Variants in DNAH17 observed in about 807,000 individuals in gnomAD.
DNAH17 encodes dynein axonemal heavy chain 17, also known as axonemal beta dynein heavy chain 17.
Under a neutral mutation model 485.6 loss-of-function variants are expected in DNAH17, and 376 were observed. The observed-to-expected ratio is 0.77, with a 90% CI of 0.71 to 0.84. DNAH17 has a LOEUF of 0.84. DNAH17 is among the 40% of genes least tolerant of loss of function. DNAH17 has a pLI of 0.00. For missense variants in DNAH17, 6,370 were observed against 5,839.3 expected, an observed-to-expected ratio of 1.09 and a Z score of -2.96; for synonymous variants, 3,031 against 2,405.9, an observed-to-expected ratio of 1.26 and a Z score of -7.60.
chr17:78,515,150 C>G (rs1448915692), intron 25 of DNAH17, 128 bp from the exon 26 acceptor site: 16 of 1,086,108 alleles, frequency 1.5e-5, no homozygotes, highest in Non-Finnish European at 2.1e-5. Flanking sequence ...AACTAATACC[C>G]GAGATCAGTA....
intron 17 of DNAH17, 21 bp from the exon 18 acceptor site, chr17:78,539,901 T>C (rs1598673534): frequency 1.9e-6 from 3 of 1,548,236 alleles, no homozygotes; most frequent in South Asian, 1.2e-5. Flanking sequence ...AAGCGCACAG[T>C]TGGGCCTCAC....
In DNAH17 at chr17:78,537,425, G is replaced by A. The variant is rs374363642; in HGVS notation, c.2733C>T (p.Thr911=). Residue 911 remains threonine, a synonymous_variant, in exon 19 of 81, where the codon ACC becomes ACT. Coordinates refer to ENST00000389840, the MANE Select transcript of DNAH17 (RefSeq NM_173628.4). ...IRMELDEDGL[T]FNPTLEVGSD... ...AGCCCACCTCCAGGGTCGGGTTGAAGGTCAGCCCATCCTCGTCCAGCTCCA... is the reference window on the plus strand; with the variant it reads ...AGCCCACCTCCAGGGTCGGGTTGAAAGTCAGCCCATCCTCGTCCAGCTCCA... The A allele has an allele frequency of 3.3e-4, 538 of 1,613,418 alleles. 1 individual carries two copies. In the African/African-American group the frequency reaches 6.6e-3, roughly 20 times the overall value.
At chr17:78,429,553 T>C (rs2086602185) in intron 75 of DNAH17, among the ~76,000 whole-genome samples, 1 of 152,116 alleles carries the variant, frequency 6.6e-6, no homozygotes, top group South Asian at 2.1e-4. Context: ...GTGTGGCACC[T>C]CCCTCCACCT....
rs1489560904 is a variant in DNAH17 at position 78,570,953 on chromosome 17, T to G, written c.913A>C (p.Thr305Pro). ...GCTCTCCCTTGCCTGCGCACCATCG[T>G]GAAGTCGGCTTGTTCCATCTCCTCC... ...LLEEMEQADFTMLPTFIAKVL... is the reference protein window; with the variant it reads ...LLEEMEQADFPMLPTFIAKVL... Residue 305 changes from threonine to proline, a missense_variant, in exon 6 of 81, where the codon ACG (threonine) becomes CCG (proline). Transcript: ENST00000389840. The G allele has an allele frequency of 6.3e-7, 1 of 1,586,452 alleles. No individual in the cohort carries two copies. The highest frequency in any genetic ancestry group is 8.6e-7 in the Non-Finnish European group (1 of 1,166,556).
intron 26 of DNAH17, among the ~76,000 whole-genome samples, chr17:78,511,148 G>C (rs538108769): frequency 6.6e-6 from 1 of 152,316 alleles, no homozygotes; most frequent in South Asian, 2.1e-4. Context: ...ACAGAGTCTC[G>C]CTTTGTCACC....
Position 78,484,322 on chromosome 17 carries a change from G to A in DNAH17, c.7649+546C>T, listed in dbSNP as rs571140652. ...GCCTTCCTGGGCTTCTTCACGTGTG[G>A]CAGGGCATTTACACGTGGCAATCTC... On this transcript the variant is annotated intron_variant, in intron 48 of 80. Coordinates refer to ENST00000389840, the MANE Select transcript of DNAH17 (RefSeq NM_173628.4). Among the ~76,000 whole-genome samples the A allele has an allele frequency of 2.0e-5, 3 of 151,956 alleles. No individual in the cohort carries two copies. The East Asian group carries it at 5.9e-4, about 30-fold the overall frequency.
rs371805890 is a variant in DNAH17 at position 78,444,815 on chromosome 17, G to A, written c.11335-18C>T. On this transcript the variant is annotated intron_variant, in intron 70 of 80. Transcript: ENST00000389840. ...GAGAGGGCCTAGGGGCAGAGGCAGC[G>A]GGCCCTGTGACTCTTCCCACTTACC... is the stretch of plus-strand genomic sequence containing the variant. 3.9e-5 allele frequency: 61 copies of A among 1,545,702 alleles called. No homozygotes were observed. In the African/African-American group the frequency reaches 5.5e-4, roughly 14 times the overall value.
At position 78,561,820 on chromosome 17, in the gene DNAH17, AG is replaced by A. The variant is rs1568258951; in HGVS notation, c.1729del (p.Leu577Ter). On this transcript the variant is annotated frameshift_variant, in exon 12 of 81. Coordinates refer to ENST00000389840, the MANE Select transcript of DNAH17 (RefSeq NM_173628.4). LOFTEE classifies it high-confidence loss of function. ...MAASEEGNIP[L>X]IHKNMPPVAG... Reference sequence around the variant, plus strand: ...CACGGGAGGCATGTTTTTGTGGATCAGGGGGATGTTCCCCTCCTCGGAGGCC... The same window carrying A: ...CACGGGAGGCATGTTTTTGTGGATCAGGGGATGTTCCCCTCCTCGGAGGCC... 1 of 1,613,850 alleles carries A rather than the reference AG, an allele frequency of 6.2e-7. No individual in the cohort carries two copies. The highest frequency in any genetic ancestry group is 8.5e-7 in the Non-Finnish European group (1 of 1,179,838).
chr17:78,508,456 G>A (rs1048763098), intron 27 of DNAH17, among the ~76,000 whole-genome samples: 9 of 152,192 alleles, frequency 5.9e-5, no homozygotes, highest in South Asian at 2.1e-4. Flanking sequence ...CTCTAACTGT[G>A]TTTTGGAGTC....
intron 64 of DNAH17, 97 bp downstream of exon 64, chr17:78,454,373 T>C (rs766364552): frequency 1.9e-5 from 18 of 926,348 alleles, no homozygotes; most frequent in African/African-American, 6.7e-5. Context: ...AGTACTTGTA[T>C]TGAAAGACCC....
At chr17:78,535,499 C>T (rs577289317) in intron 19 of DNAH17, among the ~76,000 whole-genome samples, 43 of 152,316 alleles carry the variant, frequency 2.8e-4, no homozygotes, top group Admixed American at 1.1e-3. Context: ...CATGCAAATA[C>T]GCACACGGGC....
At chr17:78,459,259 A>C (rs1485775656) in intron 60 of DNAH17, 51 bp from the exon 61 acceptor site, 1 of 1,551,872 alleles carries the variant, frequency 6.4e-7, no homozygotes, top group African/African-American at 1.4e-5. Context: ...TGCTCTGGCA[A>C]AACGGGCCCA....
intron 37 of DNAH17, 69 bp from the exon 38 acceptor site, chr17:78,496,101 A>T: frequency 6.6e-7 from 1 of 1,514,056 alleles, no homozygotes; most frequent in South Asian, 1.3e-5. Context: ...AGAGGCCTTC[A>T]CATATGTTAA....
chr17:78,472,706 C>T (rs750729698), intron 54 of DNAH17: 9 of 455,072 alleles, frequency 2.0e-5, no homozygotes, highest in South Asian at 6.2e-5. Context: ...CCCGAGGTCA[C>T]GCACGCTGTC....
At chr17:78,425,270 A>C in intron 80 of DNAH17, 76 bp downstream of exon 80, 1 of 1,441,480 alleles carries the variant, frequency 6.9e-7, no homozygotes, top group Non-Finnish European at 9.5e-7. Context: ...GTCTTTGCCA[A>C]GAGCTAGTTT....
intron 13 of DNAH17, 104 bp from the exon 14 acceptor site, chr17:78,558,358 G>A (rs964953467): frequency 4.8e-5 from 65 of 1,346,486 alleles, no homozygotes; most frequent in Middle Eastern, 1.9e-4. Flanking sequence ...TTTGACAGCC[G>A]GGGGGGATCT....
At chr17:78,564,693 T>C (rs539144097) in intron 11 of DNAH17, among the ~76,000 whole-genome samples, 1 of 152,166 alleles carries the variant, frequency 6.6e-6, no homozygotes, top group Non-Finnish European at 1.5e-5. Flanking sequence ...AGTTGTGCAC[T>C]GCAGGAAATA....
chr17:78,477,668 C>T (rs902376799), intron 51 of DNAH17, among the ~76,000 whole-genome samples: 13 of 152,172 alleles, frequency 8.5e-5, no homozygotes, highest in Admixed American at 7.2e-4. Context: ...TGAACCACTG[C>T]ACCCGGCTGG....
chr17:78,460,911 T>A (rs1182968870), intron 58 of DNAH17, among the ~76,000 whole-genome samples: 2 of 152,240 alleles, frequency 1.3e-5, no homozygotes, highest in South Asian at 2.1e-4. Context: ...CAGTGGGCCA[T>A]GACTGGAACG....
Sources: gnomAD v4.1 joint callset for allele counts (sites outside exome capture counted in the v4.1 genomes callset) on GRCh38, gnomAD v4.1.1 for gene constraint, MANE v1.5 for transcripts, NCBI Gene and HGNC (gene_info 2026-07-23, HGNC 2026-07-21) for gene names.